The following AP1S3 variants were observed in gnomAD, a reference collection of about 807,000 sequenced individuals.
The protein encoded by AP1S3 is AP-1 complex subunit sigma-3.
A neutral mutation model predicts 20.9 loss-of-function variants in AP1S3; 10 were observed. That is an observed-to-expected ratio of 0.48 (90% CI 0.29 to 0.81). AP1S3 has a LOEUF of 0.81. AP1S3 is among the 30% of genes least tolerant of loss of function. The probability of loss-of-function intolerance (pLI) is 0.08; values close to 1 mark genes in which losing one functional copy is unlikely to be tolerated. For synonymous variants in AP1S3, 41 were observed against 61.5 expected (o/e 0.67, Z 1.56); for missense variants, 154 against 183.8 (o/e 0.84, Z 0.94).
chr2:223,769,861 C>T (rs1014095809), intron 3 of AP1S3, among the ~76,000 whole-genome samples: 2 of 150,404 alleles, frequency 1.3e-5, no homozygotes, highest in East Asian at 4.0e-4. Flanking sequence ...TCTCCTGCCT[C>T]AGCCTCCCGA....
chr2:223,806,891 T>C (rs1691595686), intron 1 of AP1S3, among the ~76,000 whole-genome samples: 1 of 152,200 alleles, frequency 6.6e-6, no homozygotes, highest in African/African-American at 2.4e-5. Flanking sequence ...TTTTTCTACA[T>C]TTCTGTTTTT....
intron 1 of AP1S3, among the ~76,000 whole-genome samples, chr2:223,814,442 G>T (rs551653802): frequency 3.5e-4 from 53 of 152,276 alleles, no homozygotes; most frequent in South Asian, 1.9e-3. Context: ...ATGACAAGGG[G>T]TTGGCCTTTC....
At chr2:223,772,859 T>C (rs1690666657) in intron 3 of AP1S3, among the ~76,000 whole-genome samples, 1 of 152,222 alleles carries the variant, frequency 6.6e-6, no homozygotes, top group Non-Finnish European at 1.5e-5. Context: ...GCTGAGATTA[T>C]GTCAATGAGA....
intron 3 of AP1S3, among the ~76,000 whole-genome samples, chr2:223,769,318 C>T (rs2106082480): frequency 6.6e-6 from 1 of 152,272 alleles, no homozygotes; most frequent in South Asian, 2.1e-4. Flanking sequence ...CCAAAGTAGT[C>T]TATAAAACTT....
In AP1S3 at chr2:223,755,528, CAT is replaced by C. The variant is rs1491535196; in HGVS notation, c.*3185_*3186del. ...CCATATAGATATGTTTACTTACTTT[CAT>C]TTTTTTTTTTTTTTTTTTGAGACAG... On this transcript the variant is annotated 3_prime_UTR_variant, in exon 5 of 5. Coordinates refer to ENST00000396654, the MANE Select transcript of AP1S3 (RefSeq NM_001039569.2). Among the ~76,000 whole-genome samples, 4 of 80,978 alleles carry C rather than the reference CAT, an allele frequency of 4.9e-5. No individual in the cohort carries two copies. Among genetic ancestry groups the C allele is most frequent in the South Asian group, 8.7e-4 (2 of 2,294 alleles). The allele number at this position is 80,978 out of a possible 152,430, so 53.1% of individuals were successfully genotyped here. A position where few individuals can be genotyped will look rare whatever the true frequency, so the allele number is the denominator to read the frequency against.
chr2:223,808,357 T>C (rs541316013), intron 1 of AP1S3, among the ~76,000 whole-genome samples: 36 of 152,280 alleles, frequency 2.4e-4, no homozygotes, highest in African/African-American at 8.2e-4. Context: ...CGAGGGCCCC[T>C]CCCTTCTGAC....
chr2:223,824,619 C>A (rs957519211), intron 1 of AP1S3, among the ~76,000 whole-genome samples: 1 of 152,028 alleles, frequency 6.6e-6, no homozygotes, highest in African/African-American at 2.4e-5. Context: ...CTCATTGTAA[C>A]CTCCCCCTCC....
intron 3 of AP1S3, 29 bp from the exon 4 acceptor site, chr2:223,765,379 AAACTTGC>A (rs1690452107): frequency 6.3e-7 from 1 of 1,587,854 alleles, no homozygotes; most frequent in Admixed American, 1.8e-5. Flanking sequence ...ACGTTTTGAT[AAACTTGC>A]AGTTGTATCA....
At chr2:223,762,433 T>C (rs897527075) in intron 4 of AP1S3, among the ~76,000 whole-genome samples, 1 of 151,978 alleles carries the variant, frequency 6.6e-6, no homozygotes, top group Non-Finnish European at 1.5e-5. Context: ...CCACCACACC[T>C]GGCTAATTTT....
At chr2:223,828,269 T>A (rs9751989) in intron 1 of AP1S3, among the ~76,000 whole-genome samples, 1 of 144,990 alleles carries the variant, frequency 6.9e-6, no homozygotes, top group Non-Finnish European at 1.5e-5. Flanking sequence ...CTGGGGTCAT[T>A]CCCCTCACCA....
At position 223,758,677 on chromosome 2, in the gene AP1S3, A is replaced by G. The variant is rs746842982; in HGVS notation, c.*38T>C. ...GGAGGCGTTGCTTATTTACAGCTTC[A>G]TAACATGTAGTGCTGGAGTCTTCAA... On this transcript the variant is annotated 3_prime_UTR_variant, in exon 5 of 5. Transcript: ENST00000396654. 1.9e-6 allele frequency: 3 copies of G among 1,568,614 alleles called. No homozygotes were observed. The highest frequency in any genetic ancestry group is 1.7e-6 in the Non-Finnish European group (2 of 1,159,796).
chr2:223,780,347 AGAGAGAGAGAGTGTGTGTGTGTGT>A (rs1690909982), intron 1 of AP1S3, among the ~76,000 whole-genome samples: 3 of 89,352 alleles, frequency 3.4e-5, no homozygotes, highest in Non-Finnish European at 6.4e-5. Flanking sequence ...AGAGAGAGAG[AGAGAGAGAGAGTGTGTGTGTGTGT>A]GTGTGTGTGT....
intron 1 of AP1S3, among the ~76,000 whole-genome samples, chr2:223,800,531 T>TAA (rs11409226): frequency 4.5e-4 from 67 of 150,218 alleles, no homozygotes; most frequent in African/African-American, 1.1e-3. Context: ...CCTGTCTCTT[T>TAA]AAAAAAAAAA....
At chr2:223,827,231 G>C (rs1692150333) in intron 1 of AP1S3, among the ~76,000 whole-genome samples, 1 of 152,110 alleles carries the variant, frequency 6.6e-6, no homozygotes, top group Non-Finnish European at 1.5e-5. Context: ...TAGAACTGAA[G>C]ACATGACTTC....
At chr2:223,809,964 T>C (rs1691683591) in intron 1 of AP1S3, among the ~76,000 whole-genome samples, 2 of 151,928 alleles carry the variant, frequency 1.3e-5, no homozygotes, top group South Asian at 4.2e-4. Context: ...CCTGACCTCG[T>C]GATCCACCCG....
intron 1 of AP1S3, among the ~76,000 whole-genome samples, chr2:223,824,601 T>C (rs1692075487): frequency 6.6e-6 from 1 of 152,194 alleles, no homozygotes; most frequent in East Asian, 1.9e-4. Flanking sequence ...GCAGTGGCGC[T>C]ATCTCGGCTC....
intron 1 of AP1S3, among the ~76,000 whole-genome samples, chr2:223,822,680 A>G (rs1217497811): frequency 6.6e-6 from 1 of 152,118 alleles, no homozygotes; most frequent in African/African-American, 2.4e-5. Flanking sequence ...GCAAAACTCC[A>G]TCTCAAAAAA....
chr2:223,773,075 G>T (rs559670620), intron 3 of AP1S3, among the ~76,000 whole-genome samples: 26 of 152,264 alleles, frequency 1.7e-4, no homozygotes, highest in Admixed American at 1.2e-3. Flanking sequence ...TAGAGAAATG[G>T]GAATTCATTC....
At chr2:223,809,469 A>G (rs1220916660) in intron 1 of AP1S3, among the ~76,000 whole-genome samples, 2 of 151,818 alleles carry the variant, frequency 1.3e-5, no homozygotes, top group Non-Finnish European at 2.9e-5. Flanking sequence ...ATATGGTGAA[A>G]CCCCGTCTCT....
Sources: gnomAD v4.1 joint callset for allele counts (sites outside exome capture counted in the v4.1 genomes callset) on GRCh38, gnomAD v4.1.1 for gene constraint, MANE v1.5 for transcripts, NCBI Gene and HGNC (gene_info 2026-07-23, HGNC 2026-07-21) for gene names.